Variants in PCNX1 observed in about 807,000 individuals in gnomAD.
The protein encoded by PCNX1 is pecanex-like protein 1.
In PCNX1, 78 loss-of-function variants were observed where a neutral mutation model predicts 242.2. The observed-to-expected ratio is 0.32, with a 90% CI of 0.27 to 0.39. PCNX1 has a LOEUF of 0.39. Among genes scored for constraint, PCNX1 ranks in the 10% least tolerant of loss-of-function variants. PCNX1 has a pLI of 1.00. For missense variants in PCNX1, 2,581 were observed against 2,856.5 expected, an observed-to-expected ratio of 0.90 and a Z score of 2.20; for synonymous variants, 1,024 against 1,032.9, an observed-to-expected ratio of 0.99 and a Z score of 0.17.
intron 2 of PCNX1, among the ~76,000 whole-genome samples, chr14:70,954,284 G>A (rs1211253961): frequency 2.0e-5 from 3 of 152,090 alleles, no homozygotes; most frequent in Non-Finnish European, 4.4e-5. Flanking sequence ...GCTTGCCTGT[G>A]CCATTACCAT....
chr14:70,912,797 C>G (rs766808720), intron 1 of PCNX1, among the ~76,000 whole-genome samples: 4 of 152,158 alleles, frequency 2.6e-5, no homozygotes, highest in Non-Finnish European at 4.4e-5. Context: ...GTGCAGTTTT[C>G]CCACTGTGCT....
intron 7 of PCNX1, among the ~76,000 whole-genome samples, chr14:70,989,888 C>A (rs1207304103): frequency 6.6e-6 from 1 of 152,160 alleles, no homozygotes; most frequent in Non-Finnish European, 1.5e-5. Flanking sequence ...ATATATTATA[C>A]AAAATACTTT....
chr14:70,950,873 C>T (rs913167322), intron 2 of PCNX1, among the ~76,000 whole-genome samples: 2 of 151,914 alleles, frequency 1.3e-5, no homozygotes, highest in African/African-American at 4.8e-5. Flanking sequence ...GTGTCAAATA[C>T]TCTTCCTCAG....
chr14:70,947,525 A>C (rs1220953168), intron 2 of PCNX1, among the ~76,000 whole-genome samples: 1 of 152,210 alleles, frequency 6.6e-6, no homozygotes, highest in Non-Finnish European at 1.5e-5. Context: ...TAAATTGTGA[A>C]GATTTCATGG....
At chr14:70,986,521 C>A (rs556851608) in intron 6 of PCNX1, among the ~76,000 whole-genome samples, 5 of 152,290 alleles carry the variant, frequency 3.3e-5, no homozygotes, top group South Asian at 4.1e-4. Flanking sequence ...CTTTTCACCC[C>A]AGTACTATGG....
chr14:71,055,013 A>G (rs2061142194), intron 24 of PCNX1, among the ~76,000 whole-genome samples: 1 of 152,220 alleles, frequency 6.6e-6, no homozygotes, highest in South Asian at 2.1e-4. Context: ...TAAAAAGCAA[A>G]TAACAGCTCA....
chr14:71,085,789 C>A, intron 28 of PCNX1: 1 of 367,196 alleles, frequency 2.7e-6, no homozygotes. Context: ...ACCCCAGCTT[C>A]AGCCCATCCT....
chr14:71,050,940 G>A (rs555883416), intron 23 of PCNX1, among the ~76,000 whole-genome samples, 180 bp downstream of exon 23: 3 of 151,980 alleles, frequency 2.0e-5, no homozygotes, highest in South Asian at 2.1e-4. Flanking sequence ...AGGCCGAGGC[G>A]GGCGGATCAC....
At chr14:70,963,210 CTCT>C (rs1566628652) in intron 3 of PCNX1, among the ~76,000 whole-genome samples, 1 of 152,190 alleles carries the variant, frequency 6.6e-6, no homozygotes, top group African/African-American at 2.4e-5. Flanking sequence ...TCTGGTCTAA[CTCT>C]TCTTGTAACT....
chr14:71,016,465 A>G (rs2059964484), intron 11 of PCNX1, among the ~76,000 whole-genome samples: 1 of 152,244 alleles, frequency 6.6e-6, no homozygotes, highest in Admixed American at 6.5e-5. Context: ...AAGTGCTCAC[A>G]GAACATTTAC....
Position 71,013,090 on chromosome 14 carries a change from C to T in PCNX1, c.2884C>T (p.Pro962Ser), listed in dbSNP as rs201703026. Residue 962 changes from proline (P) to serine (S), a missense_variant, in exon 11 of 36, where the codon CCA (proline) becomes TCA (serine). This residue lies in a region of PCNX1 where 1,204 missense variants were observed against 1,216.7 expected (regional missense o/e 0.99). Transcript: ENST00000304743. Reference protein sequence around the residue: ...LSPDLAATYGPTEEAAQKVKH... With the variant: ...LSPDLAATYGSTEEAAQKVKH... ...CCCTGACTTGGCAGCTACTTACGGC[C>T]CAACAGAAGAAGCTGCCCAAAAGGT... 1 of 1,613,970 alleles carries T rather than the reference C, an allele frequency of 6.2e-7. No homozygotes were observed. The highest frequency in any genetic ancestry group is 2.2e-5 in the East Asian group (1 of 44,884).
intron 8 of PCNX1, among the ~76,000 whole-genome samples, chr14:70,998,818 A>G (rs954986507): frequency 2.0e-5 from 3 of 151,258 alleles, no homozygotes; most frequent in African/African-American, 4.9e-5. Flanking sequence ...TTTCATTTCC[A>G]TGTGTACCTA....
chr14:71,042,602 G>GT (rs200599809), intron 19 of PCNX1, among the ~76,000 whole-genome samples: 2 of 148,218 alleles, frequency 1.3e-5, no homozygotes, highest in Non-Finnish European at 3.0e-5. Flanking sequence ...ATAATTGGCT[G>GT]TTTTTAAAAA....
At chr14:71,107,170 A>T (rs778165640) in intron 33 of PCNX1, among the ~76,000 whole-genome samples, 64 of 152,114 alleles carry the variant, frequency 4.2e-4, no homozygotes, top group Non-Finnish European at 6.6e-4. Context: ...TCCTCTCCCC[A>T]ACTGCCCCCC....
intron 1 of PCNX1, among the ~76,000 whole-genome samples, chr14:70,920,175 G>A (rs546067497): frequency 6.6e-6 from 1 of 152,230 alleles, no homozygotes; most frequent in African/African-American, 2.4e-5. Context: ...TTGCAAAGAT[G>A]GAGTTCCTGT....
chr14:70,947,272 T>G (rs1482853402), intron 2 of PCNX1, 149 bp downstream of exon 2: 1 of 646,742 alleles, frequency 1.5e-6, no homozygotes, highest in Admixed American at 2.8e-5. Flanking sequence ...TGGGTACATA[T>G]TTTAATATTA....
intron 26 of PCNX1, among the ~76,000 whole-genome samples, chr14:71,061,791 G>T (rs2061332117): frequency 6.6e-6 from 1 of 152,146 alleles, no homozygotes; most frequent in Non-Finnish European, 1.5e-5. Flanking sequence ...CTTTAACCAT[G>T]GTGTGGACAA....
intron 7 of PCNX1, among the ~76,000 whole-genome samples, chr14:70,990,446 C>T (rs1400926680): frequency 2.6e-5 from 4 of 151,670 alleles, no homozygotes; most frequent in Admixed American, 6.6e-5. Flanking sequence ...CACCTGTAGT[C>T]CCAGCTACTC....
chr14:71,049,044 T>C (rs2060947347), intron 22 of PCNX1: 35 of 952,636 alleles, frequency 3.7e-5, no homozygotes, highest in Non-Finnish European at 4.2e-5. Flanking sequence ...GAGAATTGTA[T>C]AAAGAAGCAT....
Sources: gnomAD v4.1 joint callset for allele counts (sites outside exome capture counted in the v4.1 genomes callset) on GRCh38, gnomAD v4.1.1 for gene constraint, gnomAD v4.1.1 regional missense constraint, MANE v1.5 for transcripts, NCBI Gene and HGNC (gene_info 2026-07-23, HGNC 2026-07-21) for gene names.